The following USP24 variants were observed in gnomAD, a reference collection of about 807,000 sequenced individuals.
USP24 encodes the protein ubiquitin carboxyl-terminal hydrolase 24.
A neutral mutation model predicts 361.6 loss-of-function variants in USP24; 97 were observed. That is an observed-to-expected ratio of 0.27 (90% confidence interval 0.23 to 0.32). The LOEUF is 0.32. Ranked by LOEUF, USP24 falls within the 10% of genes least tolerant of loss-of-function variation. The probability of loss-of-function intolerance (pLI) is 1.00; values close to 1 mark genes in which losing one functional copy is unlikely to be tolerated. For missense variants in USP24, 2,353 were observed against 3,165.6 expected, an observed-to-expected ratio of 0.74 and a Z score of 6.16; for synonymous variants, 1,098 against 1,124.6, an observed-to-expected ratio of 0.98 and a Z score of 0.47.
At chr1:55,192,694 G>C (rs1451228084) in intron 1 of USP24, among the ~76,000 whole-genome samples, 2 of 152,206 alleles carry the variant, frequency 1.3e-5, no homozygotes, top group South Asian at 4.1e-4. Context: ...TTTGGAGATG[G>C]TTATATGCAG....
At chr1:55,133,346 A>G (rs868213862) in intron 30 of USP24, among the ~76,000 whole-genome samples, 11 of 152,348 alleles carry the variant, frequency 7.2e-5, no homozygotes, top group African/African-American at 2.6e-4. Context: ...ATTAAATGAT[A>G]ATCCATTTAT....
intron 60 of USP24, 106 bp downstream of exon 60, chr1:55,079,432 G>A (rs1316500443): frequency 7.1e-7 from 1 of 1,410,828 alleles, no homozygotes; most frequent in Non-Finnish European, 9.5e-7. Context: ...TAATTTGAAA[G>A]AACCATTTCT....
chr1:55,089,372 T>C (rs560678246), intron 55 of USP24, among the ~76,000 whole-genome samples: 8 of 152,282 alleles, frequency 5.3e-5, no homozygotes, highest in African/African-American at 1.9e-4. Context: ...TAGCAGGGGT[T>C]TAAGACCCAC....
chr1:55,098,405 T>A, intron 46 of USP24, 71 bp downstream of exon 46: 1 of 1,391,792 alleles, frequency 7.2e-7, no homozygotes, highest in Non-Finnish European at 9.9e-7. Context: ...AAATGCAAAA[T>A]TTACAACATA....
In USP24 at chr1:55,078,597, C is replaced by T. The variant is rs1645077264; in HGVS notation, c.7255G>A (p.Val2419Ile). ...TGSLLALIEM[V>I]VYCCFCNEHF... ...TCATTACAGAAACAGCAGTACACTACCATCTCAATGAGTGCCAAGAGCGAG... is the reference window on the plus strand; with the variant it reads ...TCATTACAGAAACAGCAGTACACTATCATCTCAATGAGTGCCAAGAGCGAG... Residue 2419 changes from valine (V) to isoleucine (I), a missense_variant, in exon 61 of 68, where the codon GTA becomes ATA. Physicochemically the swap from Val to Ile is conservative, Grantham distance 29. Coordinates refer to ENST00000294383, the MANE Select transcript of USP24 (RefSeq NM_015306.3). 6.2e-7 allele frequency: 1 copy of T among 1,612,230 alleles called. No individual in the cohort carries two copies. The highest frequency in any genetic ancestry group is 1.1e-5 in the South Asian group (1 of 90,826).
intron 42 of USP24, 113 bp downstream of exon 42, chr1:55,103,763 A>G (rs1377978987): frequency 1.6e-5 from 20 of 1,225,624 alleles, no homozygotes; most frequent in Non-Finnish European, 2.2e-5. Flanking sequence ...CAGTAAGCAA[A>G]ATAGTAATAC....
Position 55,157,347 on chromosome 1 carries a change from G to A in USP24, c.1251C>T (p.Ser417=), listed in dbSNP as rs1383609069. ...CATTCTTCACAGATTTGGATAAAGTGCTATCTTCTATTAGTTTGGTTACCT... is the reference window on the plus strand; with the variant it reads ...CATTCTTCACAGATTTGGATAAAGTACTATCTTCTATTAGTTTGGTTACCT... ...LKEVTKLIED[S]TLSKSVKNAI... Residue 417 remains serine (S), a synonymous_variant, in exon 11 of 68, where the codon AGC becomes AGT. Transcript: ENST00000294383. The A allele has an allele frequency of 3.1e-6, 5 of 1,591,070 alleles. No homozygotes were observed. Among genetic ancestry groups the A allele is most frequent in the Non-Finnish European group, 4.3e-6 (5 of 1,172,620 alleles).
chr1:55,075,668 CCACCACCA>C, intron 62 of USP24, 145 bp from the exon 63 acceptor site: 3 of 6,720 alleles, frequency 4.5e-4, no homozygotes, highest in East Asian at 6.2e-3. Flanking sequence ...AACAACAACA[CCACCACCA>C]CCAATACAGG....
At chr1:55,194,662 T>C (rs866905585) in intron 1 of USP24, among the ~76,000 whole-genome samples, 1 of 152,128 alleles carries the variant, frequency 6.6e-6, no homozygotes, top group South Asian at 2.1e-4. Flanking sequence ...GATGAATCTT[T>C]CTTTGTCCCT....
chr1:55,128,391 G>A (rs931819879), intron 32 of USP24, among the ~76,000 whole-genome samples: 2 of 152,020 alleles, frequency 1.3e-5, no homozygotes, highest in South Asian at 2.1e-4. Context: ...GACAACACTC[G>A]TATTCCCCAA....
intron 17 of USP24, 75 bp from the exon 18 acceptor site, chr1:55,147,873 T>C: frequency 4.7e-6 from 7 of 1,491,004 alleles, no homozygotes; most frequent in Non-Finnish European, 6.4e-6. Flanking sequence ...CAAGCTGCTA[T>C]TTAAAGATGT....
At chr1:55,133,135 G>A (rs989753534) in intron 30 of USP24, among the ~76,000 whole-genome samples, 1 of 152,114 alleles carries the variant, frequency 6.6e-6, no homozygotes, top group African/African-American at 2.4e-5. Flanking sequence ...TAAATGACAT[G>A]ACTGAGCTGA....
chr1:55,129,848 T>A (rs977037350), intron 31 of USP24, among the ~76,000 whole-genome samples: 1 of 152,192 alleles, frequency 6.6e-6, no homozygotes, highest in African/African-American at 2.4e-5. Flanking sequence ...ACCCTCAGGC[T>A]TAGATAAGAA....
At chr1:55,171,300 G>A (rs767915530) in intron 5 of USP24, among the ~76,000 whole-genome samples, 1 of 152,086 alleles carries the variant, frequency 6.6e-6, no homozygotes, top group Non-Finnish European at 1.5e-5. Flanking sequence ...TAATCTAATA[G>A]ATGACGCTAA....
Position 55,081,379 on chromosome 1 carries a change from G to A in USP24, c.7021C>T (p.His2341Tyr), listed in dbSNP as rs1186856426. The A allele has an allele frequency of 1.2e-6, 2 of 1,613,754 alleles. No homozygotes were observed. Among genetic ancestry groups the A allele is most frequent in the Non-Finnish European group, 1.7e-6 (2 of 1,179,714 alleles). The change falls in exon 59 of 68, where the codon CAC becomes TAC. Residue 2341 changes from histidine to tyrosine, a missense_variant. By Grantham distance (83) the His-to-Tyr change is moderately conservative (BLOSUM62 2). Coordinates refer to ENST00000294383, the MANE Select transcript of USP24 (RefSeq NM_015306.3). ...AAAACAAGTAACGCCACTGTATTGT[G>A]AAGATTCCCAAATTCTCGTGCTTGT... ...SAQAREFGNLHNTVALLVLHS... is the reference protein window; with the variant it reads ...SAQAREFGNLYNTVALLVLHS...
intron 1 of USP24, among the ~76,000 whole-genome samples, chr1:55,199,637 C>G (rs287232): frequency 0.97 from 146,273 of 150,520 alleles, 71,069 homozygotes; most frequent in Non-Finnish European, 0.99. Flanking sequence ...GAGAGAGAGA[C>G]AGACAGAGAG....
At chr1:55,110,481 TTAAAA>T (rs1645917342) in intron 38 of USP24, among the ~76,000 whole-genome samples, 1 of 152,186 alleles carries the variant, frequency 6.6e-6, no homozygotes, top group Non-Finnish European at 1.5e-5. Context: ...CTATCACATC[TTAAAA>T]TAATATATGC....
chr1:55,186,355 T>C (rs895648525), intron 1 of USP24, among the ~76,000 whole-genome samples: 1 of 152,168 alleles, frequency 6.6e-6, no homozygotes, highest in Non-Finnish European at 1.5e-5. Context: ...CTACAATGAA[T>C]AACACTATGG....
chr1:55,121,186 C>T (rs983251929), intron 37 of USP24, among the ~76,000 whole-genome samples: 3 of 152,108 alleles, frequency 2.0e-5, no homozygotes, highest in Admixed American at 1.3e-4. Flanking sequence ...CTGGTTGTAA[C>T]GTTGTTATAA....
Sources: allele counts gnomAD v4.1 joint callset (sites outside exome capture counted in the v4.1 genomes callset), GRCh38; gene constraint gnomAD v4.1.1; transcripts MANE v1.5; gene names NCBI Gene and HGNC (gene_info 2026-07-23, HGNC 2026-07-21).